CPEB3: variants seen among roughly 807,000 people sequenced by gnomAD.
CPEB3 encodes the protein cytoplasmic polyadenylation element binding protein 3.
A neutral mutation model predicts 67.2 loss-of-function variants in CPEB3; 20 were observed. That is an observed-to-expected ratio of 0.30 (90% CI 0.21 to 0.43). The LOEUF (loss-of-function observed/expected upper bound fraction) is 0.43, where lower values mean the gene tolerates loss of function less well. Ranked by LOEUF, CPEB3 falls within the 20% of genes least tolerant of loss-of-function variation. CPEB3 has a pLI of 1.00. For missense variants in CPEB3, 746 were observed against 968.6 expected (o/e 0.77, Z 3.05); for synonymous variants, 376 against 393.1 (o/e 0.96, Z 0.51).
At position 92,217,248 on chromosome 10, in the gene CPEB3, T is replaced by TATAC. The variant is rs1276898077; in HGVS notation, c.1005+22097_1005+22098insGTAT. ...AAAAAAAAAAAATTATATATATATATACACACACACACACACACACACACA... is the reference window on the plus strand; with the variant it reads ...AAAAAAAAAAAATTATATATATATATATACACACACACACACACACACACACACA... On this transcript the variant is annotated intron_variant, in intron 2 of 9. Transcript: ENST00000265997. Among the ~76,000 whole-genome samples, 199 of 127,270 alleles carry TATAC rather than the reference T, an allele frequency of 1.6e-3. 1 individual carries two copies. Among genetic ancestry groups the TATAC allele is most frequent in the African/African-American group, 5.7e-3 (180 of 31,560 alleles). 83.5% of individuals were successfully genotyped at this position (127,270 alleles called of 152,430 possible). A position where few individuals can be genotyped will look rare whatever the true frequency, so the allele number is the denominator to read the frequency against.
chr10:92,175,414 T>C (rs141311542), intron 4 of CPEB3, among the ~76,000 whole-genome samples: 3 of 152,066 alleles, frequency 2.0e-5, no homozygotes, highest in African/African-American at 7.2e-5. Flanking sequence ...ACATATGTCT[T>C]TGTGTGGACA....
At chr10:92,183,963 C>T (rs947294897) in intron 3 of CPEB3, among the ~76,000 whole-genome samples, 20 of 152,090 alleles carry the variant, frequency 1.3e-4, no homozygotes, top group African/African-American at 4.8e-4. Flanking sequence ...CTTAGTTTCC[C>T]AAATGTAAAG....
chr10:92,211,621 C>A (rs1357334238), intron 2 of CPEB3, among the ~76,000 whole-genome samples: 3 of 151,264 alleles, frequency 2.0e-5, no homozygotes, highest in African/African-American at 4.9e-5. Flanking sequence ...ACTGCAACCT[C>A]TGCCTCTCAG....
chr10:92,239,901 A>G lies in CPEB3; in HGVS notation c.450T>C (p.Thr150=), dbSNP rs781489029. 3 of 1,612,056 alleles carry G rather than the reference A, an allele frequency of 1.9e-6. No homozygotes were observed. Among genetic ancestry groups the G allele is most frequent in the Non-Finnish European group, 2.5e-6 (3 of 1,179,158 alleles). The change falls in exon 2 of 10, where the codon ACT becomes ACC. Residue 150 remains threonine, a synonymous_variant. Coordinates refer to ENST00000265997, the MANE Select transcript of CPEB3 (RefSeq NM_014912.5). The surrounding 1 kb of genome is among the most constrained non-coding windows in gnomAD (Gnocchi z 6.0). ...PHHVNPVFGG[T]FSPQIGLAQT... is the part of the protein sequence containing the mutation. ...GCGCCAGGCCGATCTGCGGGGAGAA[A>G]GTGCCTCCGAAGACTGGGTTGACAT...
chr10:92,231,514 C>T (rs1207116109), intron 2 of CPEB3, among the ~76,000 whole-genome samples: 2 of 152,114 alleles, frequency 1.3e-5, no homozygotes, highest in Non-Finnish European at 2.9e-5. Flanking sequence ...TGTCCACTCT[C>T]TCTCTCCCAC....
At chr10:92,188,042 A>G (rs1848774811) in intron 3 of CPEB3, among the ~76,000 whole-genome samples, 1 of 152,072 alleles carries the variant, frequency 6.6e-6, no homozygotes, top group Middle Eastern at 3.4e-3. Flanking sequence ...CAGCAAATAG[A>G]AAAAATCAGC....
At chr10:92,105,714 G>GT (rs1440133450) in intron 7 of CPEB3, among the ~76,000 whole-genome samples, 82 of 133,084 alleles carry the variant, frequency 6.2e-4, no homozygotes, top group African/African-American at 2.3e-3. Context: ...TTGTTTTGTG[G>GT]GTTTTTTTTT....
chr10:92,126,930 A>G (rs1430176442), intron 6 of CPEB3, among the ~76,000 whole-genome samples: 1 of 152,212 alleles, frequency 6.6e-6, no homozygotes, highest in East Asian at 1.9e-4. Context: ...CTGATCAAGT[A>G]ATGAACTCAT....
At chr10:92,228,954 C>T (rs35412677) in intron 2 of CPEB3, among the ~76,000 whole-genome samples, 9,915 of 151,850 alleles carry the variant, frequency 0.065, 1,067 homozygotes, top group African/African-American at 0.23. Flanking sequence ...CCTCGTGATC[C>T]GCCCACCTTG....
intron 1 of CPEB3, among the ~76,000 whole-genome samples, chr10:92,243,747 A>G (rs1461534115): frequency 1.3e-5 from 2 of 152,226 alleles, no homozygotes; most frequent in East Asian, 1.9e-4. Flanking sequence ...GAGATGGCAT[A>G]AAAGAATCAC....
chr10:92,289,732 A>AAATAT, intron 1 of CPEB3, among the ~76,000 whole-genome samples: 17 of 75,762 alleles, frequency 2.2e-4, no homozygotes, highest in Non-Finnish European at 3.3e-4. Flanking sequence ...AAAAAAAAAA[A>AAATAT]ATATATATAT....
intron 2 of CPEB3, among the ~76,000 whole-genome samples, chr10:92,210,836 G>A (rs761356176): frequency 2.0e-5 from 3 of 151,922 alleles, no homozygotes; most frequent in Non-Finnish European, 4.4e-5. Context: ...TCAGGAGTTC[G>A]AGACCAGCCT....
chr10:92,240,842 C>T (rs193277373), intron 1 of CPEB3, among the ~76,000 whole-genome samples: 34 of 149,728 alleles, frequency 2.3e-4, no homozygotes, highest in Non-Finnish European at 4.7e-4. Flanking sequence ...TCTCCCTTCC[C>T]CAGCTCGAAC....
intron 2 of CPEB3, among the ~76,000 whole-genome samples, chr10:92,214,645 G>C (rs1021534603): frequency 6.6e-6 from 1 of 152,004 alleles, no homozygotes; most frequent in African/African-American, 2.4e-5. Context: ...ACGACATCTG[G>C]CTAATTTTTT....
At chr10:92,166,122 T>C (rs1220657983) in intron 4 of CPEB3, among the ~76,000 whole-genome samples, 1 of 151,958 alleles carries the variant, frequency 6.6e-6, no homozygotes, top group African/African-American at 2.4e-5. Flanking sequence ...CTTTTTTTTT[T>C]TTTTGAGACA....
intron 1 of CPEB3, among the ~76,000 whole-genome samples, chr10:92,257,332 T>C (rs768500065): frequency 3.3e-4 from 50 of 152,206 alleles, no homozygotes; most frequent in Non-Finnish European, 5.7e-4. Context: ...AGGGCCTCTG[T>C]CTCCCAGGTT....
intron 3 of CPEB3, among the ~76,000 whole-genome samples, chr10:92,184,636 C>G (rs945515435): frequency 3.9e-5 from 6 of 152,006 alleles, no homozygotes; most frequent in Non-Finnish European, 8.8e-5. Flanking sequence ...CACTCTGGGT[C>G]GAGAAGGCCA....
intron 8 of CPEB3, among the ~76,000 whole-genome samples, chr10:92,084,289 T>C (rs901646149): frequency 6.6e-6 from 1 of 152,112 alleles, no homozygotes; most frequent in Non-Finnish European, 1.5e-5. Flanking sequence ...TCGTGACTGA[T>C]GTTGCTGGCA....
intron 2 of CPEB3, among the ~76,000 whole-genome samples, chr10:92,209,805 C>T (rs979625811): frequency 1.8e-4 from 27 of 151,806 alleles, no homozygotes; most frequent in African/African-American, 6.5e-4. Flanking sequence ...GGCGTGGTAG[C>T]AGGCGCCTGT....
Sources: allele counts gnomAD v4.1 joint callset (sites outside exome capture counted in the v4.1 genomes callset), GRCh38; gene constraint gnomAD v4.1.1; non-coding constraint Gnocchi (gnomAD v3.1); transcripts MANE v1.5; gene names NCBI Gene and HGNC (gene_info 2026-07-23, HGNC 2026-07-21).